ERBB4: variants seen among roughly 807,000 people sequenced by gnomAD.
The protein encoded by ERBB4 is erb-b2 receptor tyrosine kinase 4.
Under a neutral mutation model 158.0 loss-of-function variants are expected in ERBB4, and 42 were observed. The ratio of observed to expected loss-of-function variants is 0.27; its 90% CI spans 0.21 to 0.34. The LOEUF (loss-of-function observed/expected upper bound fraction) is 0.34. Among genes scored for constraint, ERBB4 ranks in the 10% least tolerant of loss-of-function variants. The pLI is 1.00. For missense variants in ERBB4, 1,333 were observed against 1,624.1 expected, an observed-to-expected ratio of 0.82 and a Z score of 3.08; for synonymous variants, 583 against 558.7, an observed-to-expected ratio of 1.04 and a Z score of -0.61.
intron 1 of ERBB4, among the ~76,000 whole-genome samples, chr2:212,321,202 G>A (rs907306518): frequency 2.7e-5 from 4 of 150,284 alleles, no homozygotes; most frequent in Admixed American, 1.3e-4. Flanking sequence ...TTTTGCCATC[G>A]TGTAATTATG....
chr2:211,480,563 G>A (rs767121834), intron 20 of ERBB4, among the ~76,000 whole-genome samples: 21 of 152,064 alleles, frequency 1.4e-4, no homozygotes, highest in Non-Finnish European at 2.6e-4. Flanking sequence ...GCCTGTACAA[G>A]CCATGGAAAT....
Position 212,404,842 on chromosome 2 carries a change from C to T in ERBB4, c.82+133607G>A, listed in dbSNP as rs181829646. On this transcript the variant is annotated intron_variant, in intron 1 of 27. Coordinates refer to ENST00000342788, the MANE Select transcript of ERBB4 (RefSeq NM_005235.3). ...GTAGTCCCCAGTATCTCTTGTTCCC[C>T]TTCTTTGTGCTCACGAGTTCTCATC... Among the ~76,000 whole-genome samples the T allele has an allele frequency of 1.6e-3, 247 of 152,108 alleles. 2 individuals are homozygous for T. The highest frequency in any genetic ancestry group is 5.6e-3 in the African/African-American group (232 of 41,540).
At chr2:211,861,019 TATATATATAAATATA>T (rs1343571037) in intron 3 of ERBB4, among the ~76,000 whole-genome samples, 467 of 8,794 alleles carry the variant, frequency 0.053, 84 homozygotes, top group Middle Eastern at 0.12. Flanking sequence ...TATATATTTA[TATATATATAAATATA>T]ATATATTTAT....
rs2062515973 is a variant in ERBB4 at position 211,378,384 on chromosome 2, G to C, written c.*5231C>G. The C allele has an allele frequency of 4.3e-6, 1 of 232,758 alleles. No individual in the cohort carries two copies. The allele number at this position is 232,758 out of a possible 1,614,324, so 14.4% of individuals were successfully genotyped here. On this transcript the variant is annotated 3_prime_UTR_variant, in exon 28 of 28. Transcript: ENST00000342788. ...GAGGCAGGGGCCTGCAAAAGTGACA[G>C]ATCCTACATTTTTGGACCTCTACAA...
At chr2:212,176,944 C>G (rs1190179853) in intron 1 of ERBB4, among the ~76,000 whole-genome samples, 1 of 151,692 alleles carries the variant, frequency 6.6e-6, no homozygotes. Flanking sequence ...TAAGCATATT[C>G]TTAAACTAAA....
chr2:211,905,687 C>CACACAT (rs1183634005), intron 3 of ERBB4, among the ~76,000 whole-genome samples: 63 of 95,686 alleles, frequency 6.6e-4, no homozygotes, highest in Non-Finnish European at 8.1e-4. Flanking sequence ...TATATACACA[C>CACACAT]ATATATGTGT....
chr2:212,195,845 T>C (rs2082411464), intron 1 of ERBB4, among the ~76,000 whole-genome samples: 1 of 152,122 alleles, frequency 6.6e-6, no homozygotes, highest in Admixed American at 6.6e-5. Context: ...GATTGAATAG[T>C]CCTGGTTTCC....
chr2:212,332,278 C>T lies in ERBB4; in HGVS notation c.82+206171G>A, dbSNP rs76597115. 2.3e-3 allele frequency among the ~76,000 whole-genome samples: 344 copies of T among 152,174 alleles called. 4 individuals are homozygous for T. The highest frequency in any genetic ancestry group is 0.01 in the Middle Eastern group (3 of 294). On this transcript the variant is annotated intron_variant, in intron 1 of 27. Transcript: ENST00000342788. Reference sequence around the variant, plus strand: ...TTGGCTCTCATTCTCTCTCCTGACGCCGCCATGGAAGAAGTGCCTTTTGCC... The same window carrying T: ...TTGGCTCTCATTCTCTCTCCTGACGTCGCCATGGAAGAAGTGCCTTTTGCC...
At chr2:212,159,695 G>C (rs2081148174) in intron 1 of ERBB4, among the ~76,000 whole-genome samples, 1 of 151,746 alleles carries the variant, frequency 6.6e-6, no homozygotes, top group Non-Finnish European at 1.5e-5. Context: ...AGACCACACT[G>C]CTTGAAGAAA....
chr2:211,757,876 G>A (rs2075320309), intron 4 of ERBB4, among the ~76,000 whole-genome samples: 4 of 152,180 alleles, frequency 2.6e-5, no homozygotes, highest in Admixed American at 2.6e-4. Flanking sequence ...CAAATAAAAG[G>A]CTGGGCAGGC....
At chr2:211,907,496 C>T (rs73073370) in intron 3 of ERBB4, among the ~76,000 whole-genome samples, 20,745 of 150,974 alleles carry the variant, frequency 0.14, 1,856 homozygotes, top group African/African-American at 0.22. Context: ...GCCTATCAAA[C>T]CCAGAGTTGA....
chr2:211,936,093 G>T (rs578022795), intron 3 of ERBB4, among the ~76,000 whole-genome samples: 57 of 151,906 alleles, frequency 3.8e-4, no homozygotes, highest in African/African-American at 1.4e-3. Flanking sequence ...TTGTATACCA[G>T]CAGATATATA....
intron 1 of ERBB4, among the ~76,000 whole-genome samples, chr2:212,518,395 T>G (rs1476156265): frequency 6.6e-6 from 1 of 152,034 alleles, no homozygotes; most frequent in South Asian, 2.1e-4. Context: ...AATTATATGA[T>G]TTAATCTCAA....
At chr2:211,936,231 A>T (rs2080318432) in intron 3 of ERBB4, among the ~76,000 whole-genome samples, 1 of 141,698 alleles carries the variant, frequency 7.1e-6, no homozygotes, top group Admixed American at 7.5e-5. Context: ...CCGCCACTTA[A>T]AAAAAAAAGA....
chr2:212,503,726 T>C (rs1039817478), intron 1 of ERBB4, among the ~76,000 whole-genome samples: 1 of 152,208 alleles, frequency 6.6e-6, no homozygotes, highest in African/African-American at 2.4e-5. Flanking sequence ...TGTCATGTTG[T>C]AGAAAACACA....
At chr2:212,206,731 G>C (rs1043943517) in intron 1 of ERBB4, among the ~76,000 whole-genome samples, 287 of 151,276 alleles carry the variant, frequency 1.9e-3, no homozygotes, top group African/African-American at 6.4e-3. Flanking sequence ...GGACTACAGG[G>C]GCCCGCCACT....
chr2:212,506,262 G>A (rs1023758483), intron 1 of ERBB4, among the ~76,000 whole-genome samples: 8 of 148,332 alleles, frequency 5.4e-5, no homozygotes, highest in African/African-American at 1.9e-4. Flanking sequence ...CCTCTCCTTG[G>A]GTTTCCCAAT....
chr2:212,039,029 A>G (rs1362634224), intron 2 of ERBB4, among the ~76,000 whole-genome samples: 5 of 152,116 alleles, frequency 3.3e-5, no homozygotes, highest in Non-Finnish European at 5.9e-5. Flanking sequence ...TAAATGGTCA[A>G]TATCATTCTT....
At chr2:212,400,290 A>C (rs535769904) in intron 1 of ERBB4, among the ~76,000 whole-genome samples, 1 of 152,166 alleles carries the variant, frequency 6.6e-6, no homozygotes, top group Non-Finnish European at 1.5e-5. Flanking sequence ...AGGCTACTGC[A>C]GTTATGCTGT....
Sources: allele counts gnomAD v4.1 joint callset (sites outside exome capture counted in the v4.1 genomes callset), GRCh38; gene constraint gnomAD v4.1.1; transcripts MANE v1.5; gene names NCBI Gene and HGNC (gene_info 2026-07-23, HGNC 2026-07-21).